The following ZNF407 variants were observed in gnomAD, a reference collection of about 807,000 sequenced individuals.
ZNF407 encodes zinc finger protein 407.
A neutral mutation model predicts 131.2 loss-of-function variants in ZNF407; 17 were observed. That is an observed-to-expected ratio of 0.13 (90% CI 0.09 to 0.19). The LOEUF is 0.19. ZNF407 is among the 10% of genes least tolerant of loss of function. The probability of loss-of-function intolerance (pLI) is 1.00; values close to 1 mark genes in which losing one functional copy is unlikely to be tolerated. For synonymous variants in ZNF407, 1,156 were observed against 1,062.0 expected (o/e 1.09, Z -1.72); for missense variants, 2,681 against 2,830.6 (o/e 0.95, Z 1.20).
intron 4 of ZNF407, among the ~76,000 whole-genome samples, chr18:74,841,480 T>C (rs1338219591): frequency 6.6e-6 from 1 of 152,196 alleles, no homozygotes. Context: ...CCCTGCTCTG[T>C]TGTTTCCAGC....
rs35408876 is a variant in ZNF407 at position 74,690,452 on chromosome 18, GT to G, written c.4802+49338del. On this transcript the variant is annotated intron_variant, in intron 3 of 8. Transcript: ENST00000299687. The stretch of plus-strand genomic sequence containing the variant: ...TTAGTTTTTTTTTGTTTTTTTGGGG[GT>G]TTTTTTTGGTGTTTATTATTTTTGC... 8.5e-3 allele frequency among the ~76,000 whole-genome samples: 1,280 copies of G among 150,684 alleles called. 17 individuals are homozygous for G. The highest frequency in any genetic ancestry group is 0.029 in the African/African-American group (1,206 of 41,212).
rs1206397332 is a variant in ZNF407, at chr18:74,881,115, C to T, written c.5124C>T (p.His1708=). 3 of 1,571,606 alleles carry T rather than the reference C, an allele frequency of 1.9e-6. No homozygotes were observed. The highest frequency in any genetic ancestry group is 1.3e-5 in the African/African-American group (1 of 74,342). ...RHALTKHRRQ[H]TGEKPFKCDE... is the part of the protein sequence containing the mutation. ...CCCTCACCAAGCATCGCAGACAGCACACAGGTCAGTTCCGATGCTGCACTG... is the reference window on the plus strand; with the variant it reads ...CCCTCACCAAGCATCGCAGACAGCATACAGGTCAGTTCCGATGCTGCACTG... Residue 1708 remains histidine, a synonymous_variant, in exon 6 of 9, where the codon CAC becomes CAT. Transcript: ENST00000299687.
intron 8 of ZNF407, among the ~76,000 whole-genome samples, chr18:74,923,582 G>A (rs1389300621): frequency 6.6e-6 from 1 of 152,018 alleles, no homozygotes; most frequent in Non-Finnish European, 1.5e-5. Flanking sequence ...TAAAATGCCG[G>A]TTCTGTCAGC....
intron 3 of ZNF407, among the ~76,000 whole-genome samples, chr18:74,682,832 TGCTGACAG>T (rs1967014903): frequency 6.6e-6 from 1 of 152,226 alleles, no homozygotes; most frequent in South Asian, 2.1e-4. Flanking sequence ...TGCACTTTTA[TGCTGACAG>T]GCGCATTTTC....
intron 4 of ZNF407, among the ~76,000 whole-genome samples, chr18:74,785,998 A>C (rs1969704080): frequency 6.6e-6 from 1 of 152,244 alleles, no homozygotes; most frequent in Non-Finnish European, 1.5e-5. Context: ...TTACAAGCTT[A>C]GATGATGTTA....
chr18:74,960,083 G>C (rs1457861480), intron 8 of ZNF407, among the ~76,000 whole-genome samples: 1 of 152,210 alleles, frequency 6.6e-6, no homozygotes, highest in African/African-American at 2.4e-5. Flanking sequence ...GGTTTTCTCT[G>C]AAGTTTGAAA....
chr18:74,939,096 G>A (rs901015378), intron 8 of ZNF407, among the ~76,000 whole-genome samples: 3 of 152,042 alleles, frequency 2.0e-5, no homozygotes, highest in East Asian at 1.9e-4. Context: ...TTCTAAAGGC[G>A]GATTTTTTGA....
At chr18:75,007,145 G>A (rs1972920240) in intron 8 of ZNF407, among the ~76,000 whole-genome samples, 1 of 151,868 alleles carries the variant, frequency 6.6e-6, no homozygotes, top group South Asian at 2.1e-4. Context: ...TTTGGCTGGA[G>A]CATTTGGGAA....
chr18:74,813,301 AGG>A (rs1970222797), intron 4 of ZNF407, among the ~76,000 whole-genome samples: 2 of 152,130 alleles, frequency 1.3e-5, no homozygotes. Context: ...AGACTGCATG[AGG>A]GCTCCTTGTG....
chr18:74,617,402 C>T (rs1983363150), intron 1 of ZNF407, among the ~76,000 whole-genome samples: 1 of 152,202 alleles, frequency 6.6e-6, no homozygotes, highest in East Asian at 1.9e-4. Context: ...AGCACAGGGT[C>T]CAGTCTGAGA....
chr18:74,899,026 C>T lies in ZNF407; in HGVS notation c.5249+8988C>T, dbSNP rs185604045. The stretch of plus-strand genomic sequence containing the variant: ...TTGATTTCAAGTTCTCTTTTTCACT[C>T]GGACAAGCCTGGATTGTAGGTCACA... On this transcript the variant is annotated intron_variant, in intron 7 of 8. Transcript: ENST00000299687. Among the ~76,000 whole-genome samples the T allele has an allele frequency of 6.0e-4, 92 of 152,236 alleles. 1 individual carries two copies. The highest frequency in any genetic ancestry group is 6.0e-3 in the Admixed American group (91 of 15,290).
intron 4 of ZNF407, among the ~76,000 whole-genome samples, chr18:74,785,928 G>A (rs116914223): frequency 0.011 from 1,611 of 151,922 alleles, 28 homozygotes; most frequent in South Asian, 0.034. Context: ...TGGCACACAC[G>A]ATGTCACTCA....
intron 7 of ZNF407, among the ~76,000 whole-genome samples, chr18:74,892,151 T>C (rs539144619): frequency 6.6e-6 from 1 of 152,274 alleles, no homozygotes; most frequent in Non-Finnish European, 1.5e-5. Context: ...ACAAGACTGT[T>C]TTGACAAGCC....
intron 3 of ZNF407, among the ~76,000 whole-genome samples, chr18:74,681,305 A>G (rs1966976857): frequency 6.6e-6 from 1 of 151,980 alleles, no homozygotes; most frequent in South Asian, 2.1e-4. Context: ...GTGTGATCAT[A>G]GCTCACTGCA....
intron 1 of ZNF407, among the ~76,000 whole-genome samples, chr18:74,620,103 A>G (rs1467156227): frequency 6.6e-6 from 1 of 152,056 alleles, no homozygotes; most frequent in Non-Finnish European, 1.5e-5. Flanking sequence ...AGTGGAGAAT[A>G]TATTACATTT....
chr18:74,702,072 T>C (rs1253107393), intron 3 of ZNF407, among the ~76,000 whole-genome samples: 2 of 152,216 alleles, frequency 1.3e-5, no homozygotes, highest in Non-Finnish European at 2.9e-5. Flanking sequence ...GAATATTCTA[T>C]TTTTGAATGC....
chr18:74,876,798 G>A (rs574634735), intron 4 of ZNF407, among the ~76,000 whole-genome samples: 23 of 152,308 alleles, frequency 1.5e-4, no homozygotes, highest in Admixed American at 1.5e-3. Flanking sequence ...TGCTCCAGCC[G>A]TACAAGCCGC....
At chr18:74,889,349 G>A (rs1971354193) in intron 6 of ZNF407, among the ~76,000 whole-genome samples, 1 of 152,042 alleles carries the variant, frequency 6.6e-6, no homozygotes, top group Non-Finnish European at 1.5e-5. Flanking sequence ...ACACAGGGTT[G>A]GTATATTTTA....
intron 3 of ZNF407, among the ~76,000 whole-genome samples, chr18:74,756,692 T>G (rs1038998219): frequency 3.9e-5 from 6 of 152,320 alleles, no homozygotes; most frequent in African/African-American, 1.4e-4. Flanking sequence ...TTTAAATTCT[T>G]CAGGATCTTC....
Sources: allele counts gnomAD v4.1 joint callset (sites outside exome capture counted in the v4.1 genomes callset), GRCh38; gene constraint gnomAD v4.1.1; transcripts MANE v1.5; gene names NCBI Gene and HGNC (gene_info 2026-07-23, HGNC 2026-07-21).